Variants in PIP5K1B observed in about 807,000 individuals in gnomAD.
The protein encoded by PIP5K1B is phosphatidylinositol 4-phosphate 5-kinase type-1 beta.
PIP5K1B carries 42 observed loss-of-function variants against 67.0 expected under a neutral mutation model. The observed-to-expected ratio is 0.63, with a 90% CI of 0.49 to 0.81. The LOEUF (loss-of-function observed/expected upper bound fraction) is 0.81. Among genes scored for constraint, PIP5K1B ranks in the 30% least tolerant of loss-of-function variants. The pLI, the probability that PIP5K1B is intolerant of heterozygous loss-of-function variation, is 0.00. For missense variants in PIP5K1B, 459 were observed against 646.3 expected (o/e 0.71, Z 3.14); for synonymous variants, 214 against 231.4 (o/e 0.92, Z 0.68).
At chr9:68,909,653 T>C (rs1445319457) in intron 8 of PIP5K1B, among the ~76,000 whole-genome samples, 1 of 152,192 alleles carries the variant, frequency 6.6e-6, no homozygotes, top group East Asian at 1.9e-4. Flanking sequence ...TTACACCACA[T>C]TGTTTCATTT....
intron 4 of PIP5K1B, among the ~76,000 whole-genome samples, chr9:68,855,793 A>G (rs946040213): frequency 1.3e-5 from 2 of 152,226 alleles, no homozygotes; most frequent in African/African-American, 4.8e-5. Context: ...TTGTAGGACT[A>G]TGGAAATGAT....
chr9:68,814,511 T>C (rs1013385558), intron 2 of PIP5K1B, among the ~76,000 whole-genome samples: 15 of 152,132 alleles, frequency 9.9e-5, no homozygotes, highest in Admixed American at 3.3e-4. Context: ...ATTAGGGAAT[T>C]TTGATATAAT....
intron 2 of PIP5K1B, among the ~76,000 whole-genome samples, chr9:68,765,155 T>TTCA (rs1830370035): frequency 6.6e-6 from 1 of 152,110 alleles, no homozygotes; most frequent in African/African-American, 2.4e-5. Flanking sequence ...CAGTTACAAT[T>TTCA]GTTCATAATG....
chr9:68,895,265 T>TA (rs11342436), intron 8 of PIP5K1B, among the ~76,000 whole-genome samples: 2,079 of 121,014 alleles, frequency 0.017, 19 homozygotes, highest in South Asian at 0.033. Flanking sequence ...TGCAATGCTT[T>TA]AAAAAAAAAA....
At chr9:68,902,394 T>TA (rs1204902216) in intron 8 of PIP5K1B, among the ~76,000 whole-genome samples, 5 of 152,240 alleles carry the variant, frequency 3.3e-5, no homozygotes, top group Admixed American at 6.5e-5. Flanking sequence ...GGCTTTTTTT[T>TA]ACTCAGCATA....
chr9:68,858,673 A>G (rs1243863261), intron 4 of PIP5K1B, among the ~76,000 whole-genome samples: 5 of 152,232 alleles, frequency 3.3e-5, no homozygotes, highest in East Asian at 3.8e-4. Context: ...AGGCACTGAC[A>G]TGATCAGATT....
At position 68,827,320 on chromosome 9, in the gene PIP5K1B, C is replaced by T. The variant is rs951668052; in HGVS notation, c.69+4637C>T. On this transcript the variant is annotated intron_variant, in intron 4 of 15. Coordinates refer to ENST00000265382, the MANE Select transcript of PIP5K1B (RefSeq NM_003558.4). Reference sequence around the variant, plus strand: ...TATGTTCTAGGCCAGTGTTGTTCAACGGAACTTCCCGCAATGATGGAAATG... The same window carrying T: ...TATGTTCTAGGCCAGTGTTGTTCAATGGAACTTCCCGCAATGATGGAAATG... Among the ~76,000 whole-genome samples, 3 of 152,140 alleles carry T rather than the reference C, an allele frequency of 2.0e-5. No homozygotes were observed. The South Asian group carries it at 6.2e-4, about 32-fold the overall frequency.
chr9:68,949,974 G>A (rs1302752691), intron 14 of PIP5K1B, among the ~76,000 whole-genome samples: 1 of 152,228 alleles, frequency 6.6e-6, no homozygotes, highest in African/African-American at 2.4e-5. Context: ...ACTTCCGCTT[G>A]TTGTATAGTT....
At chr9:68,737,944 C>T (rs1056671414) in intron 1 of PIP5K1B, among the ~76,000 whole-genome samples, 18 of 152,298 alleles carry the variant, frequency 1.2e-4, no homozygotes, top group African/African-American at 3.8e-4. Flanking sequence ...TATCTCTCAC[C>T]GGTCTCCTTA....
At chr9:68,800,688 G>A (rs1832551586) in intron 2 of PIP5K1B, among the ~76,000 whole-genome samples, 1 of 152,136 alleles carries the variant, frequency 6.6e-6, no homozygotes, top group East Asian at 1.9e-4. Context: ...TGTTGAAAAG[G>A]GGCCTTTTTC....
intron 12 of PIP5K1B, among the ~76,000 whole-genome samples, chr9:68,925,794 A>ACTTTTTTTTT (rs1564240114): frequency 8.3e-5 from 1 of 12,012 alleles, no homozygotes; most frequent in South Asian, 7.9e-3. Context: ...TTGTGGTTCC[A>ACTTTTTTTTT]ATTTTTTTTT....
At chr9:68,862,804 A>T (rs902619965) in intron 4 of PIP5K1B, among the ~76,000 whole-genome samples, 5 of 125,256 alleles carry the variant, frequency 4.0e-5, no homozygotes, top group Non-Finnish European at 8.6e-5. Flanking sequence ...AAAAAAATAA[A>T]AAATAAATAA....
intron 2 of PIP5K1B, among the ~76,000 whole-genome samples, chr9:68,778,253 AATGAG>A (rs1831023646): frequency 6.6e-6 from 1 of 152,212 alleles, no homozygotes; most frequent in Non-Finnish European, 1.5e-5. Context: ...TCCTTCGTAA[AATGAG>A]TATAACAATA....
intron 1 of PIP5K1B, chr9:68,706,119 C>T (rs1736931000): frequency 6.6e-6 from 1 of 152,622 alleles, no homozygotes; most frequent in African/African-American, 2.4e-5. Context: ...ACCACCCTCC[C>T]CCGGTACGAA....
chr9:68,861,414 A>T (rs1053925845), intron 4 of PIP5K1B, among the ~76,000 whole-genome samples: 13 of 152,238 alleles, frequency 8.5e-5, no homozygotes, highest in African/African-American at 3.1e-4. Flanking sequence ...CTGAAGTTTG[A>T]TAACACTAGG....
At chr9:68,812,114 C>T (rs936977910) in intron 2 of PIP5K1B, among the ~76,000 whole-genome samples, 1 of 152,206 alleles carries the variant, frequency 6.6e-6, no homozygotes, top group Non-Finnish European at 1.5e-5. Flanking sequence ...CTTTTACAAA[C>T]CAGCCTCACA....
At chr9:68,987,166 C>T (rs1830128389) in intron 14 of PIP5K1B, among the ~76,000 whole-genome samples, 1 of 152,174 alleles carries the variant, frequency 6.6e-6, no homozygotes, top group Non-Finnish European at 1.5e-5. Flanking sequence ...AGAGGAGAAT[C>T]ACTTGAACCC....
At chr9:68,942,672 A>G (rs1827623106) in intron 14 of PIP5K1B, among the ~76,000 whole-genome samples, 1 of 152,110 alleles carries the variant, frequency 6.6e-6, no homozygotes, top group Non-Finnish European at 1.5e-5. Flanking sequence ...ATTTACACCG[A>G]TACTGACTAG....
intron 2 of PIP5K1B, among the ~76,000 whole-genome samples, chr9:68,753,501 G>A (rs535281669): frequency 3.6e-5 from 5 of 137,190 alleles, no homozygotes; most frequent in East Asian, 2.1e-4. Context: ...CACCATGCCC[G>A]GCTAATTTTG....
Sources: allele counts gnomAD v4.1 joint callset (sites outside exome capture counted in the v4.1 genomes callset), GRCh38; gene constraint gnomAD v4.1.1; transcripts MANE v1.5; gene names NCBI Gene and HGNC (gene_info 2026-07-23, HGNC 2026-07-21).